KIF1A: variants seen among roughly 807,000 people sequenced by gnomAD.
KIF1A encodes kinesin-like protein KIF1A.
KIF1A carries 46 observed loss-of-function variants against 227.3 expected under a neutral mutation model. The observed-to-expected ratio is 0.20, with a 90% CI of 0.16 to 0.26. The LOEUF is 0.26. KIF1A is among the 10% of genes least tolerant of loss of function. The pLI, the probability that KIF1A is intolerant of heterozygous loss-of-function variation, is 1.00. For synonymous variants in KIF1A, 1,022 were observed against 1,012.8 expected (o/e 1.01, Z -0.17); for missense variants, 1,683 against 2,485.9 (o/e 0.68, Z 6.87).
At chr2:240,782,253 A>C in intron 10 of KIF1A, 1 of 960,930 alleles carries the variant, frequency 1.0e-6, no homozygotes, top group Non-Finnish European at 1.2e-6. Flanking sequence ...AGGGCTCCCC[A>C]GCCCTCTCCA....
Position 240,763,091 on chromosome 2 carries a change from C to T in KIF1A, c.1950G>A (p.Arg650=), listed in dbSNP as rs772470221. ...GIDMKQEMEQ[R]LQELEDQYRR... is the part of the protein sequence containing the mutation. The stretch of plus-strand genomic sequence containing the variant: ...GGTACTGGTCCTCCAGTTCCTGGAG[C>T]CTGCAAGGGGGCATTGGGGTGAGCA... Residue 650 remains arginine, a splice_region_variant and synonymous_variant, in exon 22 of 49, where the codon AGG becomes AGA. Transcript: ENST00000498729. The T allele has an allele frequency of 1.3e-6, 2 of 1,581,594 alleles. No individual in the cohort carries two copies. The highest frequency in any genetic ancestry group is 1.7e-5 in the Admixed American group (1 of 57,784).
Position 240,763,580 on chromosome 2 carries a change from G to T in KIF1A, c.1769-234C>A, listed in dbSNP as rs531856104. On this transcript the variant is annotated intron_variant, in intron 20 of 48. Coordinates refer to ENST00000498729, the MANE Select transcript of KIF1A (RefSeq NM_001244008.2). ...CATCCAGTGACATTTGCAAACCACA[G>T]ATCTGGGGCTTCTGCTGTGCTCCAG... 6.6e-5 allele frequency among the ~76,000 whole-genome samples: 10 copies of T among 152,324 alleles called. No homozygotes were observed. The South Asian group carries it at 1.7e-3, about 25-fold the overall frequency.
At chr2:240,810,816 C>T (rs1269442624) in intron 1 of KIF1A, among the ~76,000 whole-genome samples, 1 of 152,170 alleles carries the variant, frequency 6.6e-6, no homozygotes, top group African/African-American at 2.4e-5. Context: ...GCCACCAAGG[C>T]CACTCGATGT....
At chr2:240,808,501 A>C (rs984567495) in intron 1 of KIF1A, among the ~76,000 whole-genome samples, 14 of 98,194 alleles carry the variant, frequency 1.4e-4, no homozygotes, top group African/African-American at 4.1e-4. Context: ...CTAAAACAAA[A>C]AAAAAAAATT....
chr2:240,805,724 A>T (rs2126197146), intron 1 of KIF1A, among the ~76,000 whole-genome samples: 1 of 152,336 alleles, frequency 6.6e-6, no homozygotes, highest in South Asian at 2.1e-4. Flanking sequence ...TTTACCATGT[A>T]CTAGACCATA....
At chr2:240,796,744 G>A (rs1254065618) in intron 2 of KIF1A, among the ~76,000 whole-genome samples, 1 of 152,120 alleles carries the variant, frequency 6.6e-6, no homozygotes, top group Middle Eastern at 3.2e-3. Context: ...TCATCCCTGG[G>A]CCAGACAGAG....
Position 240,746,077 on chromosome 2 carries a change from C to T in KIF1A, c.3164G>A (p.Gly1055Glu), listed in dbSNP as rs2048563724. 1.3e-6 allele frequency: 2 copies of T among 1,599,754 alleles called. No homozygotes were observed. Among genetic ancestry groups the T allele is most frequent in the Non-Finnish European group, 1.7e-6 (2 of 1,173,836 alleles). Reference sequence around the variant, plus strand: ...GTTGTTGACTTCATCGGCTGAGGGCCCCACGTCTGCACCCTGGCCCTGGCC... The same window carrying T: ...GTTGTTGACTTCATCGGCTGAGGGCTCCACGTCTGCACCCTGGCCCTGGCC... ...VEGQGQGADV[G>E]PSADEVNNNT... The change falls in exon 30 of 49, where the codon GGG becomes GAG. Residue 1055 changes from glycine (G) to glutamate (E), a missense_variant. This residue lies in a region of KIF1A where 759 missense variants were observed against 1,020.2 expected (regional missense o/e 0.74). Coordinates refer to ENST00000498729, the MANE Select transcript of KIF1A (RefSeq NM_001244008.2).
At chr2:240,780,624 T>G (rs2053534515) in intron 10 of KIF1A, among the ~76,000 whole-genome samples, 1 of 151,640 alleles carries the variant, frequency 6.6e-6, no homozygotes, top group Non-Finnish European at 1.5e-5. Flanking sequence ...ACAGCTCATG[T>G]TCCCACGCAG....
chr2:240,789,310 T>C lies in KIF1A; in HGVS notation c.109A>G (p.Ile37Val). Reference sequence around the variant, plus strand: ...TCCTTGGGCTGTTTGGGGTTAACAATGGCTGTGGGAGGGAACACAGGTGGT... The same window carrying C: ...TCCTTGGGCTGTTTGGGGTTAACAACGGCTGTGGGAGGGAACACAGGTGGT... ...IIQMSGSTTT[I>V]VNPKQPKETP... Residue 37 changes from isoleucine to valine, a missense_variant and splice_region_variant, in exon 3 of 49, where the codon ATT becomes GTT. By Grantham distance (29) the Ile-to-Val change is conservative. Coordinates refer to ENST00000498729, the MANE Select transcript of KIF1A (RefSeq NM_001244008.2). This position sits in a 1 kb window ranked among gnomAD's most constrained non-coding sequence, Gnocchi z 4.8. 1 of 1,613,536 alleles carries C rather than the reference T, an allele frequency of 6.2e-7. No individual in the cohort carries two copies. Among genetic ancestry groups the C allele is most frequent in the East Asian group, 2.2e-5 (1 of 44,870 alleles).
At chr2:240,751,380 G>C (rs1002344363) in intron 27 of KIF1A, among the ~76,000 whole-genome samples, 1 of 152,180 alleles carries the variant, frequency 6.6e-6, no homozygotes, top group Non-Finnish European at 1.5e-5. Context: ...GGAAAGGGCC[G>C]TGCCTGGGGC....
At chr2:240,745,590 TCA>T in intron 31 of KIF1A, 73 bp from the exon 32 acceptor site, 1 of 1,485,522 alleles carries the variant, frequency 6.7e-7, no homozygotes, top group Non-Finnish European at 9.2e-7. Context: ...GGAACCCACC[TCA>T]CACGAGGGCG....
intron 38 of KIF1A, among the ~76,000 whole-genome samples, chr2:240,731,938 TG>T (rs1202766224): frequency 2.7e-4 from 4 of 14,792 alleles, no homozygotes; most frequent in East Asian, 2.5e-3. Context: ...GGATGAGGGA[TG>T]GGGGGAGGAG....
rs2055313322 is a variant in KIF1A, at chr2:240,789,073, G to A, written c.183+163C>T. Among the ~76,000 whole-genome samples the A allele has an allele frequency of 6.6e-6, 1 of 152,190 alleles. No individual in the cohort carries two copies. The highest frequency in any genetic ancestry group is 1.5e-5 in the Non-Finnish European group (1 of 68,018). On this transcript the variant is annotated intron_variant, in intron 3 of 48. Transcript: ENST00000498729. The surrounding 1 kb of genome is among the most constrained non-coding windows in gnomAD (Gnocchi z 4.8). ...CTCAGTTCCTGCAGCCTCCATCACTGCCTTCGCTGAGGACCGCTCAGGGTG... is the reference window on the plus strand; with the variant it reads ...CTCAGTTCCTGCAGCCTCCATCACTACCTTCGCTGAGGACCGCTCAGGGTG...
chr2:240,789,779 G>A lies in KIF1A; in HGVS notation c.107-467C>T, dbSNP rs948627034. Among the ~76,000 whole-genome samples, 1 of 152,136 alleles carries A rather than the reference G, an allele frequency of 6.6e-6. No homozygotes were observed. Among genetic ancestry groups the A allele is most frequent in the African/African-American group, 2.4e-5 (1 of 41,430 alleles). ...CGTCCATCACGTTTGTGTTACGCCT[G>A]TGCGGTTCTTCTAGGCTTGCTACTC... On this transcript the variant is annotated intron_variant, in intron 2 of 48. Coordinates refer to ENST00000498729, the MANE Select transcript of KIF1A (RefSeq NM_001244008.2). This position sits in a 1 kb window ranked among gnomAD's most constrained non-coding sequence, Gnocchi z 4.8.
chr2:240,727,585 G>A (rs1181003364), intron 38 of KIF1A, among the ~76,000 whole-genome samples: 1 of 152,226 alleles, frequency 6.6e-6, no homozygotes, highest in Admixed American at 6.5e-5. Flanking sequence ...GGTGGCTGCT[G>A]CAAGGCCGTG....
intron 24 of KIF1A, 45 bp downstream of exon 24, chr2:240,761,184 C>T (rs779919517): frequency 6.3e-7 from 1 of 1,576,264 alleles, no homozygotes; most frequent in South Asian, 1.2e-5. Context: ...AGTGAGGTGA[C>T]ACACTCTCTC....
At chr2:240,773,277 T>C in intron 12 of KIF1A, 21 bp from the exon 13 acceptor site, 1 of 1,613,606 alleles carries the variant, frequency 6.2e-7, no homozygotes, top group Non-Finnish European at 8.5e-7. Context: ...GAGGGGGCTG[T>C]GGGCTGTGCT....
At position 240,820,138 on chromosome 2, in the gene KIF1A, G is replaced by A. The variant is rs2058629878; in HGVS notation, c.-77C>T. 6.7e-6 allele frequency: 1 copy of A among 149,248 alleles called. No individual in the cohort carries two copies. Among genetic ancestry groups the A allele is most frequent in the Non-Finnish European group, 1.5e-5 (1 of 66,666 alleles). The allele number at this position is 149,248 out of a possible 1,614,324, so 9.2% of individuals were successfully genotyped here. A position where few individuals can be genotyped will look rare whatever the true frequency, so the allele number is the denominator to read the frequency against. ...CGGCCTTACCTCTCCGGCGTCACTG[G>A]CGGCGGCCCCGCATGGGCACTGGCA... On this transcript the variant is annotated 5_prime_UTR_variant, in exon 1 of 49. Coordinates refer to ENST00000498729, the MANE Select transcript of KIF1A (RefSeq NM_001244008.2). This position sits in a 1 kb window ranked among gnomAD's most constrained non-coding sequence, Gnocchi z 6.2.
intron 1 of KIF1A, among the ~76,000 whole-genome samples, chr2:240,815,687 G>C (rs889821253): frequency 5.3e-5 from 8 of 152,202 alleles, no homozygotes; most frequent in African/African-American, 1.2e-4. Context: ...CCCCGTGGGG[G>C]TGGGAGAAGT....
Sources: gnomAD v4.1 joint callset for allele counts (sites outside exome capture counted in the v4.1 genomes callset) on GRCh38, gnomAD v4.1.1 for gene constraint, gnomAD v4.1.1 regional missense constraint, Gnocchi (gnomAD v3.1) non-coding constraint, MANE v1.5 for transcripts, NCBI Gene and HGNC (gene_info 2026-07-23, HGNC 2026-07-21) for gene names.